The following NEGR1 variants were observed in gnomAD, a reference collection of about 807,000 sequenced individuals.
NEGR1 encodes the protein neuronal growth regulator 1.
Under a neutral mutation model 40.9 loss-of-function variants are expected in NEGR1, and 10 were observed. That is an observed-to-expected ratio of 0.24 (90% CI 0.15 to 0.42). The LOEUF (loss-of-function observed/expected upper bound fraction) is 0.42, where lower values mean the gene tolerates loss of function less well. NEGR1 is among the 10% of genes least tolerant of loss of function. The probability of loss-of-function intolerance (pLI) is 1.00; values close to 1 mark genes in which losing one functional copy is unlikely to be tolerated. For synonymous variants in NEGR1, 185 were observed against 166.8 expected (o/e 1.11, Z -0.84); for missense variants, 352 against 438.9 (o/e 0.80, Z 1.77).
At chr1:72,151,023 A>C (rs1193415521) in intron 1 of NEGR1, among the ~76,000 whole-genome samples, 1 of 151,980 alleles carries the variant, frequency 6.6e-6, no homozygotes, top group Non-Finnish European at 1.5e-5. Flanking sequence ...AAATGAAAAA[A>C]GAGAAAAATA....
chr1:71,730,024 T>A (rs1176793077), intron 3 of NEGR1, among the ~76,000 whole-genome samples: 1 of 152,084 alleles, frequency 6.6e-6, no homozygotes, highest in African/African-American at 2.4e-5. Context: ...GAAAAATGAC[T>A]GTTAAACCTG....
chr1:71,504,243 G>T (rs768596318), intron 6 of NEGR1, among the ~76,000 whole-genome samples: 13 of 151,934 alleles, frequency 8.6e-5, no homozygotes, highest in Non-Finnish European at 1.3e-4. Flanking sequence ...AAGATTGATG[G>T]ATAAAATGAG....
intron 6 of NEGR1, among the ~76,000 whole-genome samples, chr1:71,567,571 T>G (rs1648657840): frequency 6.6e-6 from 1 of 152,206 alleles, no homozygotes. Context: ...GCCTTTGCTC[T>G]GCTATTGCCT....
At chr1:71,847,061 T>C (rs1659442962) in intron 2 of NEGR1, among the ~76,000 whole-genome samples, 1 of 152,178 alleles carries the variant, frequency 6.6e-6, no homozygotes, top group Non-Finnish European at 1.5e-5. Context: ...ATTACTACTC[T>C]GTATACCACT....
chr1:71,837,827 C>T (rs1370622091), intron 2 of NEGR1, among the ~76,000 whole-genome samples: 1 of 152,010 alleles, frequency 6.6e-6, no homozygotes, highest in African/African-American at 2.4e-5. Flanking sequence ...TGGGTACTCA[C>T]CTAATTAGAA....
chr1:71,722,118 A>T (rs1160673969), intron 3 of NEGR1, among the ~76,000 whole-genome samples: 1 of 152,106 alleles, frequency 6.6e-6, no homozygotes, highest in Non-Finnish European at 1.5e-5. Context: ...TGCTTTTAGA[A>T]GATCACTCTG....
chr1:71,814,841 AT>A (rs980018447), intron 2 of NEGR1, among the ~76,000 whole-genome samples: 1 of 151,336 alleles, frequency 6.6e-6, no homozygotes, highest in Admixed American at 6.6e-5. Flanking sequence ...TATTTTATTA[AT>A]TTTTTCAAAA....
intron 1 of NEGR1, among the ~76,000 whole-genome samples, chr1:72,128,630 A>G (rs777853053): frequency 1.3e-5 from 2 of 152,152 alleles, no homozygotes; most frequent in East Asian, 1.9e-4. Context: ...AGAGTCATAA[A>G]TGTATTATAT....
At chr1:71,510,850 G>C (rs1184347061) in intron 6 of NEGR1, among the ~76,000 whole-genome samples, 4 of 152,182 alleles carry the variant, frequency 2.6e-5, no homozygotes, top group Non-Finnish European at 4.4e-5. Flanking sequence ...TTGGGTGGGT[G>C]AATGTGTGTT....
chr1:71,615,344 C>T (rs546070383), intron 4 of NEGR1, among the ~76,000 whole-genome samples: 39 of 151,526 alleles, frequency 2.6e-4, no homozygotes, highest in Non-Finnish European at 3.8e-4. Flanking sequence ...CAAACTAAGA[C>T]GAAAACAGAG....
chr1:71,797,953 C>G (rs879835722), intron 2 of NEGR1: 15 of 151,816 alleles, frequency 9.9e-5, no homozygotes, highest in Admixed American at 9.2e-4. Context: ...AAGTACTCAA[C>G]TATAAAATCT....
chr1:71,445,116 A>G (rs1646572177), intron 6 of NEGR1, among the ~76,000 whole-genome samples: 1 of 152,194 alleles, frequency 6.6e-6, no homozygotes, highest in Admixed American at 6.5e-5. Flanking sequence ...TAAACTGGAA[A>G]TGACAAAGCA....
At chr1:71,843,079 A>G (rs1431821148) in intron 2 of NEGR1, among the ~76,000 whole-genome samples, 1 of 152,152 alleles carries the variant, frequency 6.6e-6, no homozygotes. Context: ...CATTGCCTCA[A>G]GTGTCACATC....
At chr1:71,815,235 C>T (rs1299101625) in intron 2 of NEGR1, among the ~76,000 whole-genome samples, 2 of 152,024 alleles carry the variant, frequency 1.3e-5, no homozygotes, top group Non-Finnish European at 2.9e-5. Flanking sequence ...TTTCTTAATC[C>T]TGAGTTCTAA....
intron 1 of NEGR1, among the ~76,000 whole-genome samples, chr1:72,117,922 G>C (rs1649643103): frequency 6.6e-6 from 1 of 151,788 alleles, no homozygotes; most frequent in Non-Finnish European, 1.5e-5. Flanking sequence ...TGTGATTAGA[G>C]AGGACTATCT....
At chr1:71,923,966 T>C (rs1161291363) in intron 2 of NEGR1, among the ~76,000 whole-genome samples, 1 of 151,858 alleles carries the variant, frequency 6.6e-6, no homozygotes, top group African/African-American at 2.4e-5. Flanking sequence ...TGGAGTGCAG[T>C]GGCACGATCA....
At chr1:71,957,824 A>G (rs905291489) in intron 1 of NEGR1, among the ~76,000 whole-genome samples, 1 of 152,236 alleles carries the variant, frequency 6.6e-6, no homozygotes, top group Non-Finnish European at 1.5e-5. Context: ...CCTAGAATTA[A>G]TGACATTTTA....
chr1:71,645,302 T>C (rs1028150930), intron 4 of NEGR1, among the ~76,000 whole-genome samples: 2 of 152,012 alleles, frequency 1.3e-5, no homozygotes. Flanking sequence ...TGTTGACTGT[T>C]AGGTAAATAA....
intron 1 of NEGR1, among the ~76,000 whole-genome samples, chr1:72,115,201 T>TA (rs1649536084): frequency 2.7e-5 from 4 of 145,492 alleles, no homozygotes; most frequent in South Asian, 2.1e-4. Flanking sequence ...TTGTGGTCTT[T>TA]TATATATATA....
Sources: gnomAD v4.1 joint callset for allele counts (sites outside exome capture counted in the v4.1 genomes callset) on GRCh38, gnomAD v4.1.1 for gene constraint, MANE v1.5 for transcripts, NCBI Gene and HGNC (gene_info 2026-07-23, HGNC 2026-07-21) for gene names.